Variants in MYT1L observed in about 807,000 individuals in gnomAD.
MYT1L encodes the protein myelin transcription factor 1 like.
MYT1L carries 12 observed loss-of-function variants against 126.7 expected under a neutral mutation model. The observed-to-expected ratio is 0.09, with a 90% CI of 0.06 to 0.15. The LOEUF (loss-of-function observed/expected upper bound fraction) is 0.15. Ranked by LOEUF, MYT1L falls within the 10% of genes least tolerant of loss-of-function variation. MYT1L has a pLI of 1.00. For missense variants in MYT1L, 979 were observed against 1,585.2 expected (o/e 0.62, Z 6.49); for synonymous variants, 541 against 604.2 (o/e 0.90, Z 1.53).
intron 4 of MYT1L, among the ~76,000 whole-genome samples, chr2:2,047,693 G>C (rs1021570849): frequency 2.6e-5 from 4 of 152,136 alleles, no homozygotes; most frequent in Non-Finnish European, 5.9e-5. Flanking sequence ...AGACAACGAA[G>C]TCTACATACA....
chr2:2,109,869 C>T (rs1312097877), intron 3 of MYT1L, among the ~76,000 whole-genome samples: 6 of 96,084 alleles, frequency 6.2e-5, no homozygotes, highest in African/African-American at 1.6e-4. Flanking sequence ...CACAAAAGTG[C>T]TGATTTTATA....
At chr2:2,322,602 A>C (rs1276563485) in intron 1 of MYT1L, among the ~76,000 whole-genome samples, 3 of 152,070 alleles carry the variant, frequency 2.0e-5, no homozygotes, top group South Asian at 4.1e-4. Flanking sequence ...CTAAAAAAAA[A>C]AAAACAAAAT....
At chr2:2,325,286 A>T (rs147917655) in intron 1 of MYT1L, 2 of 152,328 alleles carry the variant, frequency 1.3e-5, no homozygotes, top group East Asian at 1.9e-4. Flanking sequence ...GTTAACTCTA[A>T]CCAATTCTTA....
rs77668928 is a variant in MYT1L at position 1,967,268 on chromosome 2, G to A, written c.152+11897C>T. On this transcript the variant is annotated intron_variant, in intron 8 of 24. Transcript: ENST00000647738. ...TTTTTAGCTTTTCAGGTTCTAAAGT[G>A]TTTCAAATACTGAAAAGCCCCATGG... Among the ~76,000 whole-genome samples, 7 of 152,328 alleles carry A rather than the reference G, an allele frequency of 4.6e-5. No homozygotes were observed. In the East Asian group the frequency reaches 1.3e-3, roughly 29 times the overall value.
Position 1,914,926 on chromosome 2 carries a change from G to A in MYT1L, c.1618+2279C>T, listed in dbSNP as rs115756409. Among the ~76,000 whole-genome samples the A allele has an allele frequency of 3.5e-3, 526 of 152,288 alleles. 2 individuals are homozygous for A. Among genetic ancestry groups the A allele is most frequent in the African/African-American group, 0.012 (499 of 41,570 alleles). ...TGTGGGTTCCTCGCCTCTCACACAG[G>A]ACAGCTGGAGCATCACCTCACGGCG... On this transcript the variant is annotated intron_variant, in intron 11 of 24. Coordinates refer to ENST00000647738, the MANE Select transcript of MYT1L (RefSeq NM_001303052.2).
chr2:1,840,904 C>A (rs7425542), intron 19 of MYT1L, 61 bp from the exon 20 acceptor site: 144 of 750,940 alleles, frequency 1.9e-4, no homozygotes, highest in Non-Finnish European at 2.7e-4. Context: ...AGCTTTCTTT[C>A]TTTTTTTTTT....
At chr2:2,106,641 A>C (rs1442517898) in intron 3 of MYT1L, among the ~76,000 whole-genome samples, 1 of 152,110 alleles carries the variant, frequency 6.6e-6, no homozygotes, top group Non-Finnish European at 1.5e-5. Flanking sequence ...TAAATACATA[A>C]ATAAATAAAT....
chr2:2,256,206 G>T (rs2094808184), intron 2 of MYT1L, among the ~76,000 whole-genome samples: 1 of 152,216 alleles, frequency 6.6e-6, no homozygotes, highest in South Asian at 2.1e-4. Context: ...TGCTCAAAGA[G>T]GCGTGAGGCC....
At position 1,789,825 on chromosome 2, in the gene MYT1L, G is replaced by C. The variant is rs2031725500; in HGVS notation, c.*2042C>G. 6.6e-6 allele frequency: 1 copy of C among 152,138 alleles called. No homozygotes were observed. Among genetic ancestry groups the C allele is most frequent in the African/African-American group, 2.4e-5 (1 of 41,428 alleles). 9.4% of individuals were successfully genotyped at this position (152,138 alleles called of 1,614,324 possible). On this transcript the variant is annotated 3_prime_UTR_variant, in exon 25 of 25. Transcript: ENST00000647738. ...GCAACCAATAGCACAACAGAAAGGG[G>C]GCGCTGTACAGAGAAGGTTCCGCAG... is the stretch of plus-strand genomic sequence containing the variant.
chr2:2,244,856 T>C (rs1572796478), intron 2 of MYT1L, among the ~76,000 whole-genome samples: 2 of 152,224 alleles, frequency 1.3e-5, no homozygotes, highest in Non-Finnish European at 2.9e-5. Flanking sequence ...TCTAGCTCTC[T>C]AGCCAGCCAC....
At chr2:2,069,697 A>G (rs760723865) in intron 3 of MYT1L, among the ~76,000 whole-genome samples, 5 of 151,974 alleles carry the variant, frequency 3.3e-5, no homozygotes, top group Admixed American at 6.5e-5. Context: ...AACAGTGTAA[A>G]AGCGTTCCTG....
intron 8 of MYT1L, among the ~76,000 whole-genome samples, chr2:1,972,195 A>G (rs995954954): frequency 2.6e-5 from 4 of 152,190 alleles, no homozygotes; most frequent in Non-Finnish European, 5.9e-5. Context: ...AGTGTACCCC[A>G]TTGTACAGCA....
At chr2:2,266,962 C>A (rs768408159) in intron 2 of MYT1L, among the ~76,000 whole-genome samples, 1 of 152,150 alleles carries the variant, frequency 6.6e-6, no homozygotes, top group Non-Finnish European at 1.5e-5. Flanking sequence ...CGAGCGTCTT[C>A]GTTAGCAGCA....
chr2:1,851,692 G>C lies in MYT1L; in HGVS notation c.2723C>G (p.Pro908Arg). 6.2e-7 allele frequency: 1 copy of C among 1,613,862 alleles called. No homozygotes were observed. Among genetic ancestry groups the C allele is most frequent in the Non-Finnish European group, 8.5e-7 (1 of 1,179,808 alleles). Residue 908 changes from proline to arginine, a missense_variant, in exon 19 of 25, where the codon CCT becomes CGT. By Grantham distance (103) the Pro-to-Arg change is moderately radical. Around this residue, in one of 12 missense-constraint regions of MYT1L, gnomAD observed 179 missense variants for 398.6 expected, o/e 0.45. Transcript: ENST00000647738. ...GATATGTCCAGAACCATCACAGCCA[G>C]GCGTGGGGCACCTACAATAAAAAAT... ...TSSQELKCPT[P>R]GCDGSGHITG...
chr2:1,966,240 AG>A (rs2059345742), intron 8 of MYT1L, among the ~76,000 whole-genome samples: 1 of 152,382 alleles, frequency 6.6e-6, no homozygotes, highest in South Asian at 2.1e-4. Flanking sequence ...GATCATTCAC[AG>A]GAAGAAACAG....
At chr2:2,241,786 G>A (rs1165549796) in intron 2 of MYT1L, among the ~76,000 whole-genome samples, 1 of 152,160 alleles carries the variant, frequency 6.6e-6, no homozygotes, top group African/African-American at 2.4e-5. Context: ...CCCATTCTAC[G>A]ACATGGCTGG....
chr2:2,160,829 A>G (rs1293340679), intron 3 of MYT1L, among the ~76,000 whole-genome samples: 4 of 152,152 alleles, frequency 2.6e-5, no homozygotes. Flanking sequence ...TAAAGCAGGG[A>G]GGAGAAGGAA....
chr2:1,903,861 T>C (rs2050669088), intron 13 of MYT1L, among the ~76,000 whole-genome samples: 1 of 152,218 alleles, frequency 6.6e-6, no homozygotes, highest in Non-Finnish European at 1.5e-5. Context: ...CATTTCTTAA[T>C]GTCTTTGGAA....
At chr2:2,260,661 T>A (rs1395429437) in intron 2 of MYT1L, among the ~76,000 whole-genome samples, 5 of 152,340 alleles carry the variant, frequency 3.3e-5, no homozygotes, top group African/African-American at 9.6e-5. Context: ...TGAATTATTT[T>A]TTTTTTGTTA....
Sources: allele counts gnomAD v4.1 joint callset (sites outside exome capture counted in the v4.1 genomes callset), GRCh38; gene constraint gnomAD v4.1.1; regional missense constraint gnomAD v4.1.1; transcripts MANE v1.5; gene names NCBI Gene and HGNC (gene_info 2026-07-23, HGNC 2026-07-21).